The following YEATS4 variants were observed in gnomAD, a reference collection of about 807,000 sequenced individuals.
YEATS4 encodes the protein YEATS domain containing 4, also known as YEATS domain-containing protein 4.
A neutral mutation model predicts 30.1 loss-of-function variants in YEATS4; 17 were observed. The observed-to-expected ratio is 0.56, with a 90% CI of 0.39 to 0.85. The LOEUF (loss-of-function observed/expected upper bound fraction) is 0.85, where lower values mean the gene tolerates loss of function less well. Among genes scored for constraint, YEATS4 ranks in the 40% least tolerant of loss-of-function variants. YEATS4 has a pLI of 0.00. For missense variants in YEATS4, 142 were observed against 268.3 expected, an observed-to-expected ratio of 0.53 and a Z score of 3.29; for synonymous variants, 85 against 87.5, an observed-to-expected ratio of 0.97 and a Z score of 0.16.
At chr12:69,395,236 A>T (rs111564344), downstream of YEATS4, among the ~76,000 whole-genome samples, 212 of 152,320 alleles carry the variant, frequency 1.4e-3, 3 homozygotes, top group African/African-American at 5.0e-3. Flanking sequence ...AAAATGTATT[A>T]CTTACAAACC....
At chr12:69,412,076 G>C in the YEATS4 span, among the ~76,000 whole-genome samples, 2 of 152,226 alleles carry the variant, frequency 1.3e-5, no homozygotes, top group Non-Finnish European at 2.9e-5. Context: ...GCCCATGTCA[G>C]AGTCCAGACA....
the YEATS4 span, among the ~76,000 whole-genome samples, chr12:69,421,897 G>A: frequency 6.6e-6 from 1 of 152,154 alleles, no homozygotes; most frequent in Non-Finnish European, 1.5e-5. Context: ...ACACCGTGAA[G>A]GTTGAGTAGA....
At position 69,367,471 on chromosome 12, in the gene YEATS4, A is replaced by C. The variant is rs115656246; in HGVS notation, c.333+1587A>C. Among the ~76,000 whole-genome samples the C allele has an allele frequency of 2.3e-3, 348 of 152,196 alleles. 1 individual carries two copies. Among genetic ancestry groups the C allele is most frequent in the African/African-American group, 7.7e-3 (319 of 41,520 alleles). On this transcript the variant is annotated intron_variant, in intron 4 of 6. Coordinates refer to ENST00000247843, the MANE Select transcript of YEATS4 (RefSeq NM_006530.4). ...CAGCCTCCACCTCCTGGCCTCAAACAGTCCTCTGCCTCAGCCTCCCCAGTA... is the reference window on the plus strand; with the variant it reads ...CAGCCTCCACCTCCTGGCCTCAAACCGTCCTCTGCCTCAGCCTCCCCAGTA...
At chr12:69,399,071 C>T in the YEATS4 span, among the ~76,000 whole-genome samples, 27 of 151,420 alleles carry the variant, frequency 1.8e-4, no homozygotes, top group East Asian at 3.9e-4. Flanking sequence ...GGCGTGAACC[C>T]GGGAGGCGGA....
the YEATS4 span, among the ~76,000 whole-genome samples, chr12:69,426,667 G>A: frequency 3.3e-5 from 5 of 152,256 alleles, no homozygotes; most frequent in South Asian, 6.2e-4. Flanking sequence ...CACCGCATCC[G>A]GCCTAAATTC....
At chr12:69,371,072 T>G in intron 6 of YEATS4, 97 bp downstream of exon 6, 1 of 1,175,494 alleles carries the variant, frequency 8.5e-7, no homozygotes, top group Non-Finnish European at 1.2e-6. Context: ...AAAAATGAAA[T>G]AGGTAAGTTT....
chr12:69,368,747 T>G (rs1875530551), intron 4 of YEATS4, among the ~76,000 whole-genome samples: 1 of 152,244 alleles, frequency 6.6e-6, no homozygotes, highest in Non-Finnish European at 1.5e-5. Context: ...CAGATGTTCC[T>G]TGGCTTTTGG....
chr12:69,418,310 G>A, the YEATS4 span, among the ~76,000 whole-genome samples: 4,686 of 152,198 alleles, frequency 0.031, 244 homozygotes, highest in African/African-American at 0.11. Context: ...AAATTAGCGG[G>A]GTAGGATGGC....
chr12:69,371,043 C>A, intron 6 of YEATS4, 68 bp downstream of exon 6: 2 of 1,481,554 alleles, frequency 1.3e-6, no homozygotes, highest in South Asian at 2.5e-5. Flanking sequence ...TTGTATGATT[C>A]GTGCCTTTTA....
chr12:69,379,583 ATTTTTTTTTTT>A (rs61048163), intron 6 of YEATS4, among the ~76,000 whole-genome samples: 37 of 72,300 alleles, frequency 5.1e-4, no homozygotes, highest in South Asian at 3.8e-3. Context: ...TGCCCAGCTA[ATTTTTTTTTTT>A]TTTTTTTTTT....
chr12:69,402,634 T>C, the YEATS4 span, among the ~76,000 whole-genome samples: 11 of 152,266 alleles, frequency 7.2e-5, no homozygotes, highest in South Asian at 2.3e-3. Flanking sequence ...TCCAATAAAA[T>C]TTATTTATAG....
intron 6 of YEATS4, among the ~76,000 whole-genome samples, chr12:69,375,423 G>A (rs1416470881): frequency 2.0e-5 from 3 of 151,324 alleles, no homozygotes; most frequent in African/African-American, 4.9e-5. Context: ...CCCAGACTGG[G>A]CGGCTGGGCA....
At chr12:69,408,441 G>T in the YEATS4 span, among the ~76,000 whole-genome samples, 1 of 152,226 alleles carries the variant, frequency 6.6e-6, no homozygotes, top group African/African-American at 2.4e-5. Context: ...TTGTAAATTT[G>T]TAGATCAGAA....
At chr12:69,419,595 A>G in the YEATS4 span, among the ~76,000 whole-genome samples, 6 of 152,152 alleles carry the variant, frequency 3.9e-5, no homozygotes, top group South Asian at 2.1e-4. Context: ...TGCCTCATTC[A>G]TCTTTGTATG....
chr12:69,365,925 T>C (rs778722733), intron 4 of YEATS4, 41 bp downstream of exon 4: 2 of 1,420,266 alleles, frequency 1.4e-6, no homozygotes, highest in Non-Finnish European at 1.9e-6. Flanking sequence ...ATAGATTTCT[T>C]AGTAAATGTG....
chr12:69,406,523 T>G, the YEATS4 span, among the ~76,000 whole-genome samples: 3 of 152,164 alleles, frequency 2.0e-5, no homozygotes. Flanking sequence ...GAGATAAGTT[T>G]TCACCATGTT....
intron 6 of YEATS4, among the ~76,000 whole-genome samples, chr12:69,375,762 C>T (rs1018212344): frequency 3.3e-5 from 5 of 152,050 alleles, no homozygotes; most frequent in African/African-American, 4.8e-5. Flanking sequence ...ACTGGTGAGG[C>T]GTGGTGGTGC....
downstream of YEATS4, among the ~76,000 whole-genome samples, chr12:69,391,036 G>A (rs1868311735): frequency 6.6e-6 from 1 of 152,232 alleles, no homozygotes; most frequent in East Asian, 1.9e-4. Context: ...GCTTACGCCT[G>A]TAATACCAGC....
At chr12:69,411,484 C>T in the YEATS4 span, among the ~76,000 whole-genome samples, 15 of 152,056 alleles carry the variant, frequency 9.9e-5, no homozygotes, top group African/African-American at 3.6e-4. Context: ...AATGTCCCTA[C>T]CATTGTAGTG....
Sources: gnomAD v4.1 joint callset for allele counts (sites outside exome capture counted in the v4.1 genomes callset) on GRCh38, gnomAD v4.1.1 for gene constraint, MANE v1.5 for transcripts, NCBI Gene and HGNC (gene_info 2026-07-23, HGNC 2026-07-21) for gene names.